GALK2: variants seen among roughly 807,000 people sequenced by gnomAD.
GALK2 encodes the protein galactokinase 2.
In GALK2, 36 loss-of-function variants were observed where a neutral mutation model predicts 52.4. That is an observed-to-expected ratio of 0.69 (90% CI 0.53 to 0.91). The LOEUF (loss-of-function observed/expected upper bound fraction) is 0.91, where lower values mean the gene tolerates loss of function less well. Ranked by LOEUF, GALK2 falls within the 40% of genes least tolerant of loss-of-function variation. The pLI is 0.00. For synonymous variants in GALK2, 176 were observed against 199.1 expected (o/e 0.88, Z 0.98); for missense variants, 579 against 559.1 (o/e 1.04, Z -0.36).
chr15:49,270,836 G>A (rs1223744127), intron 5 of GALK2, among the ~76,000 whole-genome samples: 1 of 152,156 alleles, frequency 6.6e-6, no homozygotes, highest in African/African-American at 2.4e-5. Context: ...TTATTATTAT[G>A]CTAGGGAAAG....
chr15:49,194,415 A>C (rs2087027063), intron 1 of GALK2, among the ~76,000 whole-genome samples: 1 of 152,168 alleles, frequency 6.6e-6, no homozygotes, highest in South Asian at 2.1e-4. Flanking sequence ...TGGACATGAT[A>C]TTATTCCACT....
At chr15:49,279,538 C>A (rs1595939960) in intron 5 of GALK2, among the ~76,000 whole-genome samples, 1 of 152,144 alleles carries the variant, frequency 6.6e-6, no homozygotes, top group South Asian at 2.1e-4. Context: ...TATCTCTAAA[C>A]CTCATTTTTC....
chr15:49,189,601 T>C (rs2086587420), intron 1 of GALK2, among the ~76,000 whole-genome samples: 1 of 152,210 alleles, frequency 6.6e-6, no homozygotes, highest in Non-Finnish European at 1.5e-5. Context: ...CCAACATCAC[T>C]ACTCATAGGC....
chr15:49,308,734 A>G (rs2035747958), intron 8 of GALK2, among the ~76,000 whole-genome samples: 1 of 152,214 alleles, frequency 6.6e-6, no homozygotes, highest in African/African-American at 2.4e-5. Context: ...CCACCCTTCA[A>G]GAAGGGCATA....
At chr15:49,184,070 A>C (rs935572835) in intron 1 of GALK2, among the ~76,000 whole-genome samples, 1 of 152,048 alleles carries the variant, frequency 6.6e-6, no homozygotes, top group Non-Finnish European at 1.5e-5. Context: ...GGAGTGTTGA[A>C]GTCTCCAGCT....
chr15:49,252,530 A>G (rs1273355641), intron 5 of GALK2, among the ~76,000 whole-genome samples: 1 of 152,148 alleles, frequency 6.6e-6, no homozygotes, highest in Non-Finnish European at 1.5e-5. Flanking sequence ...CAGTTTTAAT[A>G]CTTAATAATA....
chr15:49,200,651 A>G (rs1433100762), intron 1 of GALK2, among the ~76,000 whole-genome samples: 1 of 152,218 alleles, frequency 6.6e-6, no homozygotes, highest in Non-Finnish European at 1.5e-5. Flanking sequence ...ATTCTCCTCT[A>G]CAGCTTTCAG....
intron 1 of GALK2, among the ~76,000 whole-genome samples, chr15:49,158,401 C>A (rs529026966): frequency 6.6e-6 from 1 of 152,208 alleles, no homozygotes; most frequent in African/African-American, 2.4e-5. Flanking sequence ...TAGTTCAGTA[C>A]AATAATTGTT....
At chr15:49,162,472 A>C (rs1235414140) in intron 1 of GALK2, among the ~76,000 whole-genome samples, 13 of 152,144 alleles carry the variant, frequency 8.5e-5, no homozygotes, top group Non-Finnish European at 1.5e-5. Flanking sequence ...TTTTGTGTGG[A>C]CATATGTTTT....
At chr15:49,238,172 A>T (rs557844697) in intron 4 of GALK2, among the ~76,000 whole-genome samples, 7 of 152,344 alleles carry the variant, frequency 4.6e-5, no homozygotes, top group African/African-American at 1.7e-4. Context: ...AGTATTTCAT[A>T]TGTTAATCTT....
chr15:49,208,692 A>T lies in GALK2; in HGVS notation c.142+7442A>T, dbSNP rs1165746618. The stretch of plus-strand genomic sequence containing the variant: ...CCATTTGTTCCAAGGTATAGGTTCA[A>T]TCCATTGTTTCTTTGTTGACTTTCT... On this transcript the variant is annotated intron_variant, in intron 2 of 9. Coordinates refer to ENST00000560031, the MANE Select transcript of GALK2 (RefSeq NM_002044.4). 2.6e-5 allele frequency among the ~76,000 whole-genome samples: 4 copies of T among 152,088 alleles called. No homozygotes were observed. The East Asian group carries it at 7.7e-4, about 29-fold the overall frequency.
intron 3 of GALK2, among the ~76,000 whole-genome samples, chr15:49,340,016 C>T (rs987957152): frequency 2.0e-5 from 3 of 152,084 alleles, no homozygotes; most frequent in Non-Finnish European, 4.4e-5. Context: ...TGTGCTGGCA[C>T]GAGAATTTCA....
At chr15:49,286,933 T>A (rs547375220) in intron 7 of GALK2, among the ~76,000 whole-genome samples, 1 of 152,302 alleles carries the variant, frequency 6.6e-6, no homozygotes, top group East Asian at 1.9e-4. Context: ...GATCCATAGG[T>A]GAGCTGAAAC....
intron 3 of GALK2, 43 bp from the exon 4 acceptor site, chr15:49,235,808 A>T: frequency 7.5e-7 from 1 of 1,331,270 alleles, no homozygotes; most frequent in Non-Finnish European, 1.1e-6. Context: ...TTGCAGCTCA[A>T]GGCCTACAGA....
chr15:49,261,902 A>C, intron 5 of GALK2, among the ~76,000 whole-genome samples: 1 of 152,150 alleles, frequency 6.6e-6, no homozygotes, highest in East Asian at 1.9e-4. Flanking sequence ...CCAGCCTTGC[A>C]TCCCAGGGAT....
chr15:49,291,364 G>A (rs1007522242), intron 7 of GALK2, among the ~76,000 whole-genome samples: 2 of 152,162 alleles, frequency 1.3e-5, no homozygotes, highest in Non-Finnish European at 2.9e-5. Flanking sequence ...GTCAGTGGCT[G>A]TAACCAGAGT....
chr15:49,314,303 CTT>C (rs1318194352), intron 8 of GALK2, among the ~76,000 whole-genome samples: 1 of 152,146 alleles, frequency 6.6e-6, no homozygotes, highest in Non-Finnish European at 1.5e-5. Context: ...TTAGAAATCT[CTT>C]TTCTCTCACA....
Position 49,283,615 on chromosome 15 carries a change from C to G in GALK2, c.653C>G (p.Pro218Arg). The G allele has an allele frequency of 6.2e-7, 1 of 1,613,892 alleles. No individual in the cohort carries two copies. ...CTGAGGGCAACCGATGTAAAACTCC[C>G]AAGTGGAGCAGTGTTTGTGATTGCC... ...SPLRATDVKLPSGAVFVIANS... is the reference protein window; with the variant it reads ...SPLRATDVKLRSGAVFVIANS... The change falls in exon 7 of 10, where the codon CCA becomes CGA. Residue 218 changes from proline (P) to arginine (R), a missense_variant. By Grantham distance (103) the Pro-to-Arg change is moderately radical. Transcript: ENST00000560031.
chr15:49,239,330 T>A lies in GALK2; in HGVS notation c.467T>A (p.Leu156Ter), dbSNP rs1202836384. 1.9e-6 allele frequency: 3 copies of A among 1,614,034 alleles called. No individual in the cohort carries two copies. In the African/African-American group the frequency reaches 4.0e-5, roughly 22 times the overall value. Residue 156 changes from leucine to a stop codon, truncating the protein, a stop_gained, in exon 5 of 10, where the codon TTG (leucine) becomes TAG (stop). Transcript: ENST00000560031. LOFTEE classifies it high-confidence loss of function. ...AGTGCTTTGGTCTGTTGTGCTGGCT[T>A]GGTGACGCTCACAGTGCTGGGAAGG... ...SSSALVCCAG[L>*]VTLTVLGRNL...
Sources: allele counts gnomAD v4.1 joint callset (sites outside exome capture counted in the v4.1 genomes callset), GRCh38; gene constraint gnomAD v4.1.1; transcripts MANE v1.5; gene names NCBI Gene and HGNC (gene_info 2026-07-23, HGNC 2026-07-21).